XPR1: variants seen among roughly 807,000 people sequenced by gnomAD.
XPR1 encodes the protein xenotropic and polytropic retrovirus receptor 1.
In XPR1, 28 loss-of-function variants were observed where a neutral mutation model predicts 87.5. The ratio of observed to expected loss-of-function variants is 0.32; its 90% CI spans 0.24 to 0.44. The LOEUF (loss-of-function observed/expected upper bound fraction) is 0.44. Among genes scored for constraint, XPR1 ranks in the 20% least tolerant of loss-of-function variants. The pLI is 1.00. For missense variants in XPR1, 559 were observed against 862.3 expected (o/e 0.65, Z 4.41); for synonymous variants, 300 against 306.1 (o/e 0.98, Z 0.21).
chr1:180,789,709 A>G (rs1649306338), intron 3 of XPR1, among the ~76,000 whole-genome samples: 1 of 151,836 alleles, frequency 6.6e-6, no homozygotes, highest in Admixed American at 6.6e-5. Context: ...CATGGCCACC[A>G]CACCCAGCCA....
intron 1 of XPR1, among the ~76,000 whole-genome samples, chr1:180,658,995 T>A (rs1655637513): frequency 2.0e-5 from 3 of 152,220 alleles, no homozygotes; most frequent in Admixed American, 2.0e-4. Flanking sequence ...TTAAATGTGT[T>A]GTTGAATTTG....
chr1:180,716,578 G>C (rs1466804508), intron 2 of XPR1, among the ~76,000 whole-genome samples: 3 of 152,068 alleles, frequency 2.0e-5, no homozygotes, highest in Non-Finnish European at 2.9e-5. Flanking sequence ...ATAAGCTTTT[G>C]TCTCTGCTAA....
intron 2 of XPR1, among the ~76,000 whole-genome samples, chr1:180,755,397 G>T (rs1402095323): frequency 6.6e-6 from 1 of 152,176 alleles, no homozygotes; most frequent in South Asian, 2.1e-4. Flanking sequence ...GAAACACTAG[G>T]TGAACTCAGG....
chr1:180,679,590 G>C (rs1656493529), intron 1 of XPR1, among the ~76,000 whole-genome samples: 1 of 152,150 alleles, frequency 6.6e-6, no homozygotes. Context: ...TTACCATTTT[G>C]ATAGATACAG....
intron 2 of XPR1, among the ~76,000 whole-genome samples, chr1:180,728,267 C>G (rs1658425680): frequency 8.0e-6 from 1 of 124,484 alleles, no homozygotes; most frequent in African/African-American, 3.2e-5. Context: ...TGGTATATGG[C>G]GGTAGTGAGA....
intron 2 of XPR1, among the ~76,000 whole-genome samples, chr1:180,715,167 C>T (rs188594218): frequency 9.0e-4 from 137 of 152,174 alleles, no homozygotes; most frequent in Non-Finnish European, 1.4e-3. Context: ...GTAATATAGC[C>T]CCAGATAATC....
intron 11 of XPR1, among the ~76,000 whole-genome samples, chr1:180,847,414 C>T (rs773239548): frequency 2.0e-5 from 3 of 152,144 alleles, no homozygotes; most frequent in Non-Finnish European, 2.9e-5. Context: ...GTGAAAGGCA[C>T]GTTTTCACAT....
At chr1:180,657,150 T>C (rs1225099848) in intron 1 of XPR1, among the ~76,000 whole-genome samples, 1 of 152,188 alleles carries the variant, frequency 6.6e-6, no homozygotes, top group African/African-American at 2.4e-5. Flanking sequence ...TTGAGAAATG[T>C]CTGTTCAGAT....
chr1:180,801,108 T>C (rs11585146), intron 3 of XPR1, among the ~76,000 whole-genome samples: 47,791 of 152,138 alleles, frequency 0.31, 8,247 homozygotes, highest in Non-Finnish European at 0.38. Flanking sequence ...GCACCCACCT[T>C]GTTTTGATAG....
intron 2 of XPR1, among the ~76,000 whole-genome samples, chr1:180,709,887 G>A (rs1005291994): frequency 1.6e-5 from 2 of 123,004 alleles, no homozygotes; most frequent in African/African-American, 6.4e-5. Context: ...GAGTTTTGAG[G>A]GTTTTTTTTT....
intron 1 of XPR1, among the ~76,000 whole-genome samples, chr1:180,664,681 G>A (rs1036708908): frequency 7.2e-5 from 11 of 152,170 alleles, no homozygotes; most frequent in Non-Finnish European, 1.0e-4. Flanking sequence ...CCCCCCAGTC[G>A]ACTGGCTCTG....
chr1:180,800,879 C>T (rs913333929), intron 3 of XPR1, among the ~76,000 whole-genome samples: 4 of 152,068 alleles, frequency 2.6e-5, no homozygotes, highest in Non-Finnish European at 5.9e-5. Flanking sequence ...TTTGAACTAG[C>T]GTTGATCTGG....
At chr1:180,684,597 A>G (rs1656699824) in intron 2 of XPR1, among the ~76,000 whole-genome samples, 1 of 152,108 alleles carries the variant, frequency 6.6e-6, no homozygotes, top group Non-Finnish European at 1.5e-5. Flanking sequence ...CATTTTCACA[A>G]TATTGATTCT....
At chr1:180,793,764 CCTTT>C (rs550753085) in intron 3 of XPR1, among the ~76,000 whole-genome samples, 5 of 152,064 alleles carry the variant, frequency 3.3e-5, no homozygotes, top group African/African-American at 4.8e-5. Flanking sequence ...AATAAATTTT[CCTTT>C]CTTTATTTTG....
At chr1:180,854,402 G>A (rs1412814039) in intron 11 of XPR1, among the ~76,000 whole-genome samples, 2 of 152,246 alleles carry the variant, frequency 1.3e-5, no homozygotes, top group Non-Finnish European at 2.9e-5. Flanking sequence ...TGTGTGGTGA[G>A]TAAACATATA....
intron 6 of XPR1, among the ~76,000 whole-genome samples, chr1:180,809,420 T>A (rs953970027): frequency 2.0e-5 from 3 of 152,214 alleles, no homozygotes; most frequent in Non-Finnish European, 2.9e-5. Flanking sequence ...GTTTATTGTA[T>A]ATCAACTTAG....
chr1:180,793,955 C>CAATTTCCA (rs1297911333), intron 3 of XPR1, among the ~76,000 whole-genome samples: 5 of 152,008 alleles, frequency 3.3e-5, no homozygotes, highest in Admixed American at 1.3e-4. Context: ...ATGAGTAACA[C>CAATTTCCA]AATTTCCAAA....
At chr1:180,632,400 G>T in intron 1 of XPR1, 130 bp downstream of exon 1, 1 of 1,225,756 alleles carries the variant, frequency 8.2e-7, no homozygotes, top group East Asian at 2.6e-5. Context: ...GCCGCGGGGA[G>T]CCACTGCGGC....
intron 2 of XPR1, among the ~76,000 whole-genome samples, chr1:180,770,138 C>T (rs1261314658): frequency 6.6e-6 from 1 of 152,200 alleles, no homozygotes; most frequent in Non-Finnish European, 1.5e-5. Context: ...TGCTCAGCTA[C>T]CTTCCTGTAT....
Sources: gnomAD v4.1 joint callset for allele counts (sites outside exome capture counted in the v4.1 genomes callset) on GRCh38, gnomAD v4.1.1 for gene constraint, MANE v1.5 for transcripts, NCBI Gene and HGNC (gene_info 2026-07-23, HGNC 2026-07-21) for gene names.